GNA14: variants seen among roughly 807,000 people sequenced by gnomAD.
The protein encoded by GNA14 is G protein subunit alpha 14.
GNA14 carries 50 observed loss-of-function variants against 42.0 expected under a neutral mutation model. That is an observed-to-expected ratio of 1.19 (90% CI 0.95 to 1.51). The LOEUF (loss-of-function observed/expected upper bound fraction) is 1.51. GNA14 is among the 40% of genes most tolerant of loss of function. GNA14 has a pLI of 0.00. For synonymous variants in GNA14, 173 were observed against 163.1 expected (o/e 1.06, Z -0.46); for missense variants, 473 against 446.2 (o/e 1.06, Z -0.54).
chr9:77,590,644 GAAGT>G (rs1823375822), intron 1 of GNA14, among the ~76,000 whole-genome samples: 1 of 151,760 alleles, frequency 6.6e-6, no homozygotes, highest in Non-Finnish European at 1.5e-5. Context: ...CAGGGCAAGA[GAAGT>G]AACCTTTTTG....
At chr9:77,456,939 C>A (rs751734979) in intron 2 of GNA14, among the ~76,000 whole-genome samples, 2 of 152,190 alleles carry the variant, frequency 1.3e-5, no homozygotes, top group Non-Finnish European at 2.9e-5. Context: ...TTACCTAGGA[C>A]CATAAATAGC....
intron 1 of GNA14, among the ~76,000 whole-genome samples, chr9:77,557,652 T>G (rs1403076824): frequency 6.6e-6 from 1 of 152,114 alleles, no homozygotes; most frequent in Non-Finnish European, 1.5e-5. Flanking sequence ...GAAAGCTAAG[T>G]GTAAAGCTGT....
chr9:77,428,077 T>C (rs867628897), intron 5 of GNA14, among the ~76,000 whole-genome samples: 103 of 146,336 alleles, frequency 7.0e-4, no homozygotes, highest in African/African-American at 2.4e-3. Flanking sequence ...TTTTCTTTTT[T>C]TTTTTCTTTT....
intron 1 of GNA14, among the ~76,000 whole-genome samples, chr9:77,616,126 C>T (rs113674217): frequency 0.012 from 1,836 of 152,308 alleles, 54 homozygotes; most frequent in African/African-American, 0.042. Flanking sequence ...AACCCAGACA[C>T]TGGCTACCAT....
At chr9:77,498,373 C>CA (rs766816001) in intron 2 of GNA14, among the ~76,000 whole-genome samples, 1,325 of 53,626 alleles carry the variant, frequency 0.025, 69 homozygotes, top group African/African-American at 0.062. Context: ...AAGTCTGTCT[C>CA]AAAAAAAAAA....
intron 2 of GNA14, among the ~76,000 whole-genome samples, chr9:77,474,745 C>T (rs1160714155): frequency 6.6e-6 from 1 of 152,154 alleles, no homozygotes; most frequent in South Asian, 2.1e-4. Flanking sequence ...GGAAACAACA[C>T]AATACCCATA....
At chr9:77,584,298 T>C (rs570384186) in intron 1 of GNA14, among the ~76,000 whole-genome samples, 1 of 152,340 alleles carries the variant, frequency 6.6e-6, no homozygotes, top group East Asian at 1.9e-4. Context: ...GATAGTATAT[T>C]GCATCTGAAA....
At chr9:77,598,836 A>G (rs958099429) in intron 1 of GNA14, among the ~76,000 whole-genome samples, 7 of 152,288 alleles carry the variant, frequency 4.6e-5, no homozygotes, top group Admixed American at 3.3e-4. Context: ...GGAGCCCCCA[A>G]TTAAGGGAAA....
intron 2 of GNA14, among the ~76,000 whole-genome samples, chr9:77,505,942 T>C (rs1353391936): frequency 6.6e-6 from 1 of 152,044 alleles, no homozygotes; most frequent in African/African-American, 2.4e-5. Flanking sequence ...TTATGAAATT[T>C]AAAACTTTTT....
At chr9:77,555,893 C>T (rs1433022110) in intron 1 of GNA14, among the ~76,000 whole-genome samples, 1 of 152,080 alleles carries the variant, frequency 6.6e-6, no homozygotes, top group Non-Finnish European at 1.5e-5. Flanking sequence ...AAAATAAATA[C>T]CTGAATATAG....
intron 2 of GNA14, among the ~76,000 whole-genome samples, chr9:77,460,778 G>T (rs73654044): frequency 0.019 from 2,928 of 152,296 alleles, 54 homozygotes; most frequent in African/African-American, 0.048. Context: ...GCCCAAGAAT[G>T]AAAAGAACGA....
chr9:77,616,910 C>T (rs1823829516), intron 1 of GNA14, among the ~76,000 whole-genome samples: 1 of 148,832 alleles, frequency 6.7e-6, no homozygotes. Context: ...CACTCTGTCG[C>T]CCAGGCTGGA....
At chr9:77,601,344 G>T (rs545597808) in intron 1 of GNA14, among the ~76,000 whole-genome samples, 1 of 152,292 alleles carries the variant, frequency 6.6e-6, no homozygotes, top group Admixed American at 6.5e-5. Flanking sequence ...CTAGGAAAGA[G>T]AAGTGAAAGA....
chr9:77,512,732 C>G (rs1328469698), intron 2 of GNA14, among the ~76,000 whole-genome samples: 1 of 152,134 alleles, frequency 6.6e-6, no homozygotes, highest in East Asian at 1.9e-4. Context: ...ATAAACATAG[C>G]TTTACCTCGT....
intron 1 of GNA14, among the ~76,000 whole-genome samples, chr9:77,570,008 G>A (rs966151364): frequency 1.3e-5 from 2 of 151,986 alleles, no homozygotes; most frequent in Middle Eastern, 3.4e-3. Flanking sequence ...CTCGTGATCC[G>A]CTTGCCTCGG....
intron 2 of GNA14, among the ~76,000 whole-genome samples, chr9:77,474,588 A>G (rs955234747): frequency 6.6e-6 from 1 of 152,198 alleles, no homozygotes; most frequent in African/African-American, 2.4e-5. Context: ...AAATAGTTTG[A>G]CATTTCCTCA....
At chr9:77,476,015 G>C (rs1233358310) in intron 2 of GNA14, among the ~76,000 whole-genome samples, 1 of 152,134 alleles carries the variant, frequency 6.6e-6, no homozygotes, top group Non-Finnish European at 1.5e-5. Flanking sequence ...GACTAAATTG[G>C]CTTGGCAGAA....
chr9:77,528,716 C>T (rs979574561), intron 2 of GNA14, among the ~76,000 whole-genome samples: 2 of 152,196 alleles, frequency 1.3e-5, no homozygotes, highest in Non-Finnish European at 2.9e-5. Context: ...ACGCTGGCCA[C>T]TGTAAACCCA....
chr9:77,557,681 G>A (rs145532646), intron 1 of GNA14, among the ~76,000 whole-genome samples: 1 of 152,310 alleles, frequency 6.6e-6, no homozygotes, highest in African/African-American at 2.4e-5. Flanking sequence ...AGTGGAACAA[G>A]GAGTGCGGTG....
Sources: gnomAD v4.1 joint callset for allele counts (sites outside exome capture counted in the v4.1 genomes callset) on GRCh38, gnomAD v4.1.1 for gene constraint, MANE v1.5 for transcripts, NCBI Gene and HGNC (gene_info 2026-07-23, HGNC 2026-07-21) for gene names.